The following ARFIP1 variants were observed in gnomAD, a reference collection of about 807,000 sequenced individuals.
The protein encoded by ARFIP1 is ARF interacting protein 1, also known as arfaptin-1.
Under a neutral mutation model 42.5 loss-of-function variants are expected in ARFIP1, and 24 were observed. That is an observed-to-expected ratio of 0.57 (90% CI 0.41 to 0.80). The LOEUF is 0.80. Among genes scored for constraint, ARFIP1 ranks in the 30% least tolerant of loss-of-function variants. The pLI is 0.00. For synonymous variants in ARFIP1, 141 were observed against 153.7 expected (o/e 0.92, Z 0.61); for missense variants, 354 against 434.0 (o/e 0.82, Z 1.64).
At chr4:152,840,919 C>T (rs1486008667) in intron 2 of ARFIP1, among the ~76,000 whole-genome samples, 2 of 151,278 alleles carry the variant, frequency 1.3e-5, no homozygotes, top group Non-Finnish European at 2.9e-5. Flanking sequence ...AGGGTTTCAC[C>T]GTGTTGGCCA....
At chr4:152,790,293 A>G (rs958296455) in intron 1 of ARFIP1, among the ~76,000 whole-genome samples, 11 of 152,244 alleles carry the variant, frequency 7.2e-5, no homozygotes, top group African/African-American at 2.7e-4. Flanking sequence ...ATAATACCAA[A>G]TAACAGGTAA....
At chr4:152,867,183 C>T (rs1734470513) in intron 3 of ARFIP1, among the ~76,000 whole-genome samples, 2 of 152,306 alleles carry the variant, frequency 1.3e-5, no homozygotes, top group Middle Eastern at 6.8e-3. Flanking sequence ...GAGATCACGC[C>T]ACTGCACTCC....
At chr4:152,869,888 C>T (rs1294409093) in intron 3 of ARFIP1, among the ~76,000 whole-genome samples, 1 of 152,150 alleles carries the variant, frequency 6.6e-6, no homozygotes, top group African/African-American at 2.4e-5. Flanking sequence ...TGTGTTGTTT[C>T]CTCTGGTTCT....
At chr4:152,901,704 A>G (rs1178911392) in intron 8 of ARFIP1, among the ~76,000 whole-genome samples, 2 of 152,154 alleles carry the variant, frequency 1.3e-5, no homozygotes, top group Non-Finnish European at 1.5e-5. Flanking sequence ...TTAATATTTT[A>G]TATTTTAAAT....
At chr4:152,824,087 T>C (rs934618547) in intron 1 of ARFIP1, among the ~76,000 whole-genome samples, 7 of 151,650 alleles carry the variant, frequency 4.6e-5, no homozygotes, top group African/African-American at 1.7e-4. Context: ...CCAAGGCGGG[T>C]GGATCACTTG....
At chr4:152,820,133 C>A (rs921127150) in intron 1 of ARFIP1, among the ~76,000 whole-genome samples, 2 of 152,048 alleles carry the variant, frequency 1.3e-5, no homozygotes, top group Non-Finnish European at 2.9e-5. Flanking sequence ...GTGGCCCCCC[C>A]ACCCCCAAAG....
chr4:152,872,719 T>G (rs1353163732), intron 5 of ARFIP1, among the ~76,000 whole-genome samples, 155 bp downstream of exon 5: 1 of 152,156 alleles, frequency 6.6e-6, no homozygotes, highest in African/African-American at 2.4e-5. Flanking sequence ...AGTATTTGTT[T>G]TATCATTGAT....
intron 8 of ARFIP1, among the ~76,000 whole-genome samples, chr4:152,903,291 T>C (rs1738001658): frequency 6.6e-6 from 1 of 152,214 alleles, no homozygotes; most frequent in African/African-American, 2.4e-5. Flanking sequence ...TATTCTTACG[T>C]AAATTTGTAT....
chr4:152,820,333 TAGAA>T (rs1730269432), intron 1 of ARFIP1, among the ~76,000 whole-genome samples: 1 of 152,028 alleles, frequency 6.6e-6, no homozygotes, highest in African/African-American at 2.4e-5. Context: ...GAAAAAAATT[TAGAA>T]AGTGCACACT....
At chr4:152,815,804 G>A (rs1468054227) in intron 1 of ARFIP1, among the ~76,000 whole-genome samples, 1 of 146,524 alleles carries the variant, frequency 6.8e-6, no homozygotes, top group East Asian at 2.0e-4. Context: ...GAGTGCAGTG[G>A]AGGGATCTCG....
chr4:152,836,738 T>C (rs1731679801), intron 2 of ARFIP1, among the ~76,000 whole-genome samples: 1 of 152,230 alleles, frequency 6.6e-6, no homozygotes, highest in African/African-American at 2.4e-5. Flanking sequence ...CAAATTTTTT[T>C]CCCCTTCCTC....
chr4:152,910,204 G>C lies in ARFIP1; in HGVS notation c.1107G>C (p.Trp369Cys). 1 of 1,612,466 alleles carries C rather than the reference G, an allele frequency of 6.2e-7. No homozygotes were observed. Residue 369 changes from tryptophan (W) to cysteine (C), a missense_variant, in exon 9 of 9, where the codon TGG (tryptophan) becomes TGC (cysteine). Trp to Cys is a radical substitution (Grantham distance 215). Transcript: ENST00000353617. The part of the protein sequence containing the change: ...LKTPGVDAPS[W>C]LEEQ Reference sequence around the variant, plus strand: ...CCCCTGGAGTGGATGCCCCATCTTGGCTTGAAGAACAGTAAAATCACAGCG... The same window carrying C: ...CCCCTGGAGTGGATGCCCCATCTTGCCTTGAAGAACAGTAAAATCACAGCG...
intron 2 of ARFIP1, among the ~76,000 whole-genome samples, chr4:152,845,553 C>T (rs967684314): frequency 5.3e-5 from 8 of 152,106 alleles, no homozygotes; most frequent in Admixed American, 3.3e-4. Flanking sequence ...CATGAATAGA[C>T]GCTTTTCAAA....
chr4:152,800,410 A>G (rs1728307692), intron 1 of ARFIP1, among the ~76,000 whole-genome samples: 1 of 152,208 alleles, frequency 6.6e-6, no homozygotes, highest in Admixed American at 6.5e-5. Context: ...TAAAACTTGG[A>G]AAGGTCAACA....
intron 2 of ARFIP1, among the ~76,000 whole-genome samples, chr4:152,843,485 A>C (rs1732270001): frequency 7.0e-6 from 1 of 142,094 alleles, no homozygotes; most frequent in Non-Finnish European, 1.5e-5. Flanking sequence ...AACTCCCAGG[A>C]GTATACGCAT....
At chr4:152,871,252 GA>G (rs1734852033) in intron 4 of ARFIP1, among the ~76,000 whole-genome samples, 1 of 152,056 alleles carries the variant, frequency 6.6e-6, no homozygotes, top group South Asian at 2.1e-4. Context: ...TGGATTAAAT[GA>G]AAAAGGTCTT....
At chr4:152,812,863 T>G (rs562943234) in intron 1 of ARFIP1, among the ~76,000 whole-genome samples, 2 of 152,372 alleles carry the variant, frequency 1.3e-5, no homozygotes, top group East Asian at 3.9e-4. Flanking sequence ...CCAGTTACTC[T>G]GTAAGTCTCT....
chr4:152,870,806 A>C lies in ARFIP1; in HGVS notation c.256A>C (p.Ser86Arg), dbSNP rs756272366. The C allele has an allele frequency of 5.6e-6, 9 of 1,614,066 alleles. No individual in the cohort carries two copies. Among genetic ancestry groups the C allele is most frequent in the Non-Finnish European group, 7.6e-6 (9 of 1,179,944 alleles). ...SVMSPSRVAA[S>R]RLAQQGSDLI... ...TATGTCTCCTAGCAGGGTTGCAGCT[A>C]GTCGACTGGCTCAGCAAGGAAGTGA... The change falls in exon 4 of 9, where the codon AGT (serine) becomes CGT (arginine). Residue 86 changes from serine to arginine, a missense_variant. Coordinates refer to ENST00000353617, the MANE Select transcript of ARFIP1 (RefSeq NM_001025595.3).
intron 1 of ARFIP1, among the ~76,000 whole-genome samples, chr4:152,804,280 C>CATGTATTATATATTATATATAAT (rs1728760614): frequency 1.8e-5 from 1 of 55,912 alleles, no homozygotes; most frequent in African/African-American, 9.5e-5. Context: ...ATATATATAA[C>CATGTATTATATATTATATATAAT]ATAACATGTA....
Sources: allele counts gnomAD v4.1 joint callset (sites outside exome capture counted in the v4.1 genomes callset), GRCh38; gene constraint gnomAD v4.1.1; transcripts MANE v1.5; gene names NCBI Gene and HGNC (gene_info 2026-07-23, HGNC 2026-07-21).